EZR: variants seen among roughly 807,000 people sequenced by gnomAD.
EZR encodes ezrin, also known as cytovillin 2.
Under a neutral mutation model 74.8 loss-of-function variants are expected in EZR, and 40 were observed. That is an observed-to-expected ratio of 0.53 (90% confidence interval 0.42 to 0.70). The LOEUF is 0.70. Ranked by LOEUF, EZR falls within the 30% of genes least tolerant of loss-of-function variation. The pLI, the probability that EZR is intolerant of heterozygous loss-of-function variation, is 0.00. For missense variants in EZR, 678 were observed against 755.8 expected (o/e 0.90, Z 1.21); for synonymous variants, 341 against 283.3 (o/e 1.20, Z -2.05).
chr6:158,794,304 C>CACCAGA (rs992898006), intron 2 of EZR, among the ~76,000 whole-genome samples: 1 of 151,908 alleles, frequency 6.6e-6, no homozygotes, highest in African/African-American at 2.4e-5. Flanking sequence ...CCAGCACTAC[C>CACCAGA]ACCAGCACCA....
In EZR at chr6:158,787,771, G is replaced by T. The variant is rs73579961; in HGVS notation, c.97-568C>A. Among the ~76,000 whole-genome samples the T allele has an allele frequency of 1.9e-3, 286 of 152,342 alleles. 1 individual carries two copies. The highest frequency in any genetic ancestry group is 6.6e-3 in the African/African-American group (276 of 41,576). Reference sequence around the variant, plus strand: ...CAAGGCAGACTTCTGGGACGGAAGGGTGTCAATGCACAGGGGTGCCCAGAG... The same window carrying T: ...CAAGGCAGACTTCTGGGACGGAAGGTTGTCAATGCACAGGGGTGCCCAGAG... On this transcript the variant is annotated intron_variant, in intron 3 of 13. Transcript: ENST00000367075.
At chr6:158,770,247 C>T (rs1031726483) in intron 10 of EZR, among the ~76,000 whole-genome samples, 4 of 152,244 alleles carry the variant, frequency 2.6e-5, no homozygotes, top group African/African-American at 9.6e-5. Context: ...TGGTGGTCCA[C>T]ACTCCACTCA....
intron 7 of EZR, among the ~76,000 whole-genome samples, chr6:158,782,309 G>A (rs1405957939): frequency 3.9e-5 from 6 of 152,166 alleles, no homozygotes; most frequent in Admixed American, 2.6e-4. Context: ...GGTTGCAAAT[G>A]GAGATGGACT....
At chr6:158,767,894 A>C (rs112249718) in intron 12 of EZR, among the ~76,000 whole-genome samples, 5 of 152,132 alleles carry the variant, frequency 3.3e-5, no homozygotes, top group African/African-American at 1.2e-4. Context: ...TCCTTCCAAC[A>C]GCTTCACACA....
chr6:158,780,234 T>C (rs1342152458), intron 7 of EZR, among the ~76,000 whole-genome samples: 1 of 151,538 alleles, frequency 6.6e-6, no homozygotes, highest in Non-Finnish European at 1.5e-5. Flanking sequence ...CCAAAATATG[T>C]AGCTGAGTGT....
Sources: allele counts gnomAD v4.1 joint callset (sites outside exome capture counted in the v4.1 genomes callset), GRCh38; gene constraint gnomAD v4.1.1; transcripts MANE v1.5; gene names NCBI Gene and HGNC (gene_info 2026-07-23, HGNC 2026-07-21).